HVCN1: variants seen among roughly 807,000 people sequenced by gnomAD.
HVCN1 encodes the protein hydrogen voltage gated channel 1, also known as voltage-gated hydrogen channel 1.
A neutral mutation model predicts 29.2 loss-of-function variants in HVCN1; 14 were observed. That is an observed-to-expected ratio of 0.48 (90% confidence interval 0.32 to 0.75). The LOEUF is 0.75. Among genes scored for constraint, HVCN1 ranks in the 30% least tolerant of loss-of-function variants. The pLI is 0.04. For missense variants in HVCN1, 263 were observed against 341.8 expected, an observed-to-expected ratio of 0.77 and a Z score of 1.82; for synonymous variants, 131 against 133.2, an observed-to-expected ratio of 0.98 and a Z score of 0.11.
At chr12:110,663,768 A>G (rs1239611677) in intron 3 of HVCN1, among the ~76,000 whole-genome samples, 2 of 152,072 alleles carry the variant, frequency 1.3e-5, no homozygotes, top group African/African-American at 2.4e-5. Flanking sequence ...GGCAGCACTG[A>G]ATACAGTAGA....
In HVCN1 at chr12:110,658,492, G is replaced by C. The variant is rs571561948; in HGVS notation, c.306+2672C>G. 6.6e-6 allele frequency among the ~76,000 whole-genome samples: 1 copy of C among 151,988 alleles called. No individual in the cohort carries two copies. The highest frequency in any genetic ancestry group is 1.5e-5 in the Non-Finnish European group (1 of 67,990). On this transcript the variant is annotated intron_variant, in intron 4 of 7. Coordinates refer to ENST00000242607, the MANE Select transcript of HVCN1 (RefSeq NM_032369.4). This position sits in a 1 kb window ranked among gnomAD's most constrained non-coding sequence, Gnocchi z 5.0. ...CTGGCAACACCCATACCCGATCCAC[G>C]TGCGCCCTTCTCAATTCCTCCAATG... is the stretch of plus-strand genomic sequence containing the variant.
chr12:110,683,294 C>A, intron 2 of HVCN1, 30 bp from the exon 3 acceptor site: 1 of 1,584,806 alleles, frequency 6.3e-7, no homozygotes, highest in Non-Finnish European at 8.6e-7. Context: ...TTGTCCAGAT[C>A]TATCATCTTG....
At chr12:110,657,508 G>GAAAAAAAAAAAAAAAAAAAAAAAAAAAA in intron 4 of HVCN1, among the ~76,000 whole-genome samples, 1 of 87,146 alleles carries the variant, frequency 1.1e-5, no homozygotes, top group Non-Finnish European at 2.5e-5. Context: ...AAAGAAAAAA[G>GAAAAAAAAAAAAAAAAAAAAAAAAAAAA]AAAAAAAAAA....
Position 110,694,797 on chromosome 12 carries a change from G to A in HVCN1, c.-103-6089C>T, listed in dbSNP as rs2069464415. 6.6e-6 allele frequency among the ~76,000 whole-genome samples: 1 copy of A among 152,228 alleles called. No homozygotes were observed. The highest frequency in any genetic ancestry group is 1.5e-5 in the Non-Finnish European group (1 of 68,048). Reference sequence around the variant, plus strand: ...CCGATGCCTGATGACGCAGCTATGTGAAAAGGGCACGGTCACCTCCAACTC... The same window carrying A: ...CCGATGCCTGATGACGCAGCTATGTAAAAAGGGCACGGTCACCTCCAACTC... On this transcript the variant is annotated intron_variant, in intron 2 of 4. Transcript: ENST00000546713. The surrounding 1 kb of genome is among the most constrained non-coding windows in gnomAD (Gnocchi z 4.6).
chr12:110,650,267 T>C lies in HVCN1; in HGVS notation c.657A>G (p.Ser219=). The C allele has an allele frequency of 6.2e-7, 1 of 1,607,484 alleles. No homozygotes were observed. Among genetic ancestry groups the C allele is most frequent in the Non-Finnish European group, 8.5e-7 (1 of 1,174,078 alleles). The change falls in exon 7 of 8, where the codon TCA becomes TCG. Residue 219 remains serine (S), a synonymous_variant. Transcript: ENST00000242607. ...GTTGCCGTTCTGAACGTGTCTTAAC[T>C]GAGATGATAATCCCTGAAATAAAAT... is the stretch of plus-strand genomic sequence containing the variant. The part of the protein sequence containing the change: ...VARIINGIII[S]VKTRSERQLL...
chr12:110,702,282 A>G (rs1433799767), intron 2 of HVCN1: 6 of 152,018 alleles, frequency 3.9e-5, no homozygotes, highest in Admixed American at 6.6e-5. Flanking sequence ...CCCTGAGTCA[A>G]CCTTTGGTGA....
At chr12:110,656,091 CCTCGGCAGTCCGA>C (rs1440045871) in intron 4 of HVCN1, among the ~76,000 whole-genome samples, 1 of 152,192 alleles carries the variant, frequency 6.6e-6, no homozygotes, top group Non-Finnish European at 1.5e-5. Flanking sequence ...CACAGCCCTG[CCTCGGCAGTCCGA>C]GTCCTGGAAG....
chr12:110,684,687 T>C (rs2069115466), intron 2 of HVCN1, among the ~76,000 whole-genome samples: 1 of 152,248 alleles, frequency 6.6e-6, no homozygotes, highest in South Asian at 2.1e-4. Flanking sequence ...CCTTCTCTGC[T>C]TCTGGGAGGC....
chr12:110,686,663 C>T (rs1593535201), intron 2 of HVCN1, among the ~76,000 whole-genome samples: 1 of 152,196 alleles, frequency 6.6e-6, no homozygotes, highest in East Asian at 1.9e-4. Flanking sequence ...TTTAAAACTA[C>T]CATGCCCTTC....
chr12:110,672,630 T>G (rs967739227), intron 3 of HVCN1, among the ~76,000 whole-genome samples: 1 of 152,158 alleles, frequency 6.6e-6, no homozygotes, highest in Non-Finnish European at 1.5e-5. Context: ...TATGATTTGG[T>G]TTGGCTGTGT....
intron 3 of HVCN1, 134 bp downstream of exon 3, chr12:110,683,091 T>C (rs2069043376): frequency 8.2e-7 from 1 of 1,222,640 alleles, no homozygotes; most frequent in Non-Finnish European, 1.2e-6. Flanking sequence ...TTTCATCATT[T>C]TGATTTTAAA....
chr12:110,654,895 A>G (rs2067937987), intron 5 of HVCN1, among the ~76,000 whole-genome samples: 1 of 152,114 alleles, frequency 6.6e-6, no homozygotes, highest in African/African-American at 2.4e-5. Context: ...AATAAACAGC[A>G]GATCCCCTGA....
chr12:110,661,860 G>A lies in HVCN1; in HGVS notation c.22-412C>T, dbSNP rs1431554812. 1.3e-5 allele frequency among the ~76,000 whole-genome samples: 2 copies of A among 151,962 alleles called. No homozygotes were observed. The highest frequency in any genetic ancestry group is 2.9e-5 in the Non-Finnish European group (2 of 67,978). ...GAAGCCAAAAGTAAAAGTACCCAGA[G>A]TTTCATAGAAAAGTCACGAGATCCC... On this transcript the variant is annotated intron_variant, in intron 3 of 7. Transcript: ENST00000242607. This position sits in a 1 kb window ranked among gnomAD's most constrained non-coding sequence, Gnocchi z 6.2.
chr12:110,665,571 G>T (rs1164521948), intron 3 of HVCN1, among the ~76,000 whole-genome samples: 1 of 142,896 alleles, frequency 7.0e-6, no homozygotes, highest in Non-Finnish European at 1.5e-5. Context: ...AAAAAAAAAA[G>T]ACTAAAAATG....
intron 3 of HVCN1, among the ~76,000 whole-genome samples, chr12:110,669,812 T>G (rs1284857595): frequency 6.6e-6 from 1 of 151,990 alleles, no homozygotes; most frequent in African/African-American, 2.4e-5. Flanking sequence ...TCCTAGCACT[T>G]TGGGAGGCCG....
At position 110,687,263 on chromosome 12, in the gene HVCN1, C is replaced by G. The variant is rs191156358; in HGVS notation, c.-20+1362G>C. Among the ~76,000 whole-genome samples, 30 of 150,008 alleles carry G rather than the reference C, an allele frequency of 2.0e-4. No individual in the cohort carries two copies. The East Asian group carries it at 2.9e-3, about 15-fold the overall frequency. On this transcript the variant is annotated intron_variant, in intron 2 of 7. Transcript: ENST00000242607. ...AATATACAAGACAGACCACACCCCC[C>G]CCCCCCAGCTAAGCACTGGGAAGCC...
At chr12:110,680,693 G>T (rs2068934405) in intron 3 of HVCN1, among the ~76,000 whole-genome samples, 1 of 152,126 alleles carries the variant, frequency 6.6e-6, no homozygotes, top group Admixed American at 6.6e-5. Context: ...GAGGCAGGTG[G>T]ATCACTTGAG....
intron 2 of HVCN1, among the ~76,000 whole-genome samples, chr12:110,685,027 C>T (rs2136454466): frequency 6.6e-6 from 1 of 152,284 alleles, no homozygotes; most frequent in South Asian, 2.1e-4. Flanking sequence ...TAATGCTCCC[C>T]TTCAAAGATG....
rs1038495077 is a variant in HVCN1, at chr12:110,661,630, G to A, written c.22-182C>T. Among the ~76,000 whole-genome samples the A allele has an allele frequency of 1.3e-5, 2 of 152,200 alleles. No homozygotes were observed. Among genetic ancestry groups the A allele is most frequent in the Non-Finnish European group, 2.9e-5 (2 of 68,038 alleles). Reference sequence around the variant, plus strand: ...TTTATTTTTGGAATCCAGGGTCTCAGTGTCTATGAGGCAACAGGAAACTCC... The same window carrying A: ...TTTATTTTTGGAATCCAGGGTCTCAATGTCTATGAGGCAACAGGAAACTCC... On this transcript the variant is annotated intron_variant, in intron 3 of 7. Coordinates refer to ENST00000242607, the MANE Select transcript of HVCN1 (RefSeq NM_032369.4). The surrounding 1 kb of genome is among the most constrained non-coding windows in gnomAD (Gnocchi z 6.2).
Sources: allele counts gnomAD v4.1 joint callset (sites outside exome capture counted in the v4.1 genomes callset), GRCh38; gene constraint gnomAD v4.1.1; non-coding constraint Gnocchi (gnomAD v3.1); transcripts MANE v1.5; gene names NCBI Gene and HGNC (gene_info 2026-07-23, HGNC 2026-07-21).